Variants in FBN1 observed in about 807,000 individuals in gnomAD.
FBN1 encodes fibrillin-1.
In FBN1, 29 loss-of-function variants were observed where a neutral mutation model predicts 365.1. The ratio of observed to expected loss-of-function variants is 0.08; its 90% CI spans 0.06 to 0.11. The LOEUF is 0.11. FBN1 is among the 10% of genes least tolerant of loss of function. FBN1 has a pLI of 1.00. For synonymous variants in FBN1, 1,210 were observed against 1,270.5 expected, an observed-to-expected ratio of 0.95 and a Z score of 1.01; for missense variants, 2,476 against 3,703.2, an observed-to-expected ratio of 0.67 and a Z score of 8.60.
intron 8 of FBN1, among the ~76,000 whole-genome samples, chr15:48,530,688 T>A (rs2043963222): frequency 1.3e-5 from 2 of 152,156 alleles, no homozygotes; most frequent in African/African-American, 2.4e-5. Flanking sequence ...GCCCCGGGAA[T>A]TCTCCTTAGC....
rs2043633727 is a variant in FBN1 at position 48,499,047 on chromosome 15, A to G, written c.2114-9T>C. On this transcript the variant is annotated splice_polypyrimidine_tract_variant and intron_variant, in intron 17 of 65. Transcript: ENST00000316623. Reference sequence around the variant, plus strand: ...GAGTGCCTGATATTCCGCTGCAATAAATTAACAGATAGTAAATGATTCCCT... The same window carrying G: ...GAGTGCCTGATATTCCGCTGCAATAGATTAACAGATAGTAAATGATTCCCT... 6.2e-7 allele frequency: 1 copy of G among 1,613,942 alleles called. No homozygotes were observed. The highest frequency in any genetic ancestry group is 1.6e-4 in the Middle Eastern group (1 of 6,062).
chr15:48,446,833 GA>G lies in FBN1; in HGVS notation c.5672-12del. ...CACATTCATTTATGTCTAGTAGGAA[GA>G]AAGGCCATAAAGAAACATAATTATA... is the stretch of plus-strand genomic sequence containing the variant. On this transcript the variant is annotated splice_polypyrimidine_tract_variant and intron_variant, in intron 46 of 65. Transcript: ENST00000316623. The G allele has an allele frequency of 6.5e-7, 1 of 1,530,842 alleles. No individual in the cohort carries two copies. Among genetic ancestry groups the G allele is most frequent in the Non-Finnish European group, 9.1e-7 (1 of 1,104,406 alleles). 94.8% of individuals were successfully genotyped at this position (1,530,842 alleles called of 1,614,324 possible).
Position 48,589,983 on chromosome 15 carries a change from G to C in FBN1, c.538+6300C>G, listed in dbSNP as rs187837425. On this transcript the variant is annotated intron_variant, in intron 6 of 65. Transcript: ENST00000316623. ...TCATAGAGGCCTTCAGTGTAGTTTA[G>C]TAATGACAGTTTACTGCCTTTTGCT... 5.7e-3 allele frequency among the ~76,000 whole-genome samples: 871 copies of C among 152,288 alleles called. 8 individuals carry two copies. The highest frequency in any genetic ancestry group is 5.6e-3 in the Non-Finnish European group (382 of 68,026).
intron 53 of FBN1, among the ~76,000 whole-genome samples, chr15:48,435,237 A>G (rs1364123085): frequency 6.6e-6 from 1 of 152,044 alleles, no homozygotes; most frequent in Non-Finnish European, 1.5e-5. Flanking sequence ...CTGGACATAT[A>G]GCCCTTACAG....
chr15:48,609,403 TA>T (rs1310539645), intron 4 of FBN1, among the ~76,000 whole-genome samples: 5 of 152,326 alleles, frequency 3.3e-5, no homozygotes, highest in African/African-American at 9.6e-5. Flanking sequence ...GACAATAATT[TA>T]AATGGAAGTA....
Position 48,489,978 on chromosome 15 carries a change from C to T in FBN1, c.2955G>A (p.Gly985=). ...HRMDACCCSV[G]AAWGTEECEE... Reference sequence around the variant, plus strand: ...CGCATTCCTCAGTACCCCAGGCTGCCCCGACGGAGCAGCAGCAGGCGTCCA... The same window carrying T: ...CGCATTCCTCAGTACCCCAGGCTGCTCCGACGGAGCAGCAGCAGGCGTCCA... Residue 985 remains glycine, a synonymous_variant, in exon 25 of 66, where the codon GGG becomes GGA. Transcript: ENST00000316623. The T allele has an allele frequency of 6.2e-7, 1 of 1,614,110 alleles. No homozygotes were observed. Among genetic ancestry groups the T allele is most frequent in the African/African-American group, 1.3e-5 (1 of 75,016 alleles).
intron 57 of FBN1, 91 bp downstream of exon 57, chr15:48,428,255 C>T: frequency 6.7e-7 from 1 of 1,503,076 alleles, no homozygotes; most frequent in Non-Finnish European, 9.2e-7. Flanking sequence ...CAGATTTTGA[C>T]ATTTTCTTGT....
chr15:48,466,137 T>G (rs1484382230), intron 38 of FBN1, among the ~76,000 whole-genome samples: 1 of 152,202 alleles, frequency 6.6e-6, no homozygotes, highest in Non-Finnish European at 1.5e-5. Context: ...TACCTTACCT[T>G]CATCCCTTAT....
At chr15:48,536,189 T>C (rs2044012400) in intron 7 of FBN1, among the ~76,000 whole-genome samples, 1 of 152,228 alleles carries the variant, frequency 6.6e-6, no homozygotes, top group South Asian at 2.1e-4. Flanking sequence ...ATAACTGCCA[T>C]TGTGATTCAA....
At chr15:48,589,851 C>T (rs1002981988) in intron 6 of FBN1, among the ~76,000 whole-genome samples, 6 of 152,072 alleles carry the variant, frequency 3.9e-5, no homozygotes, top group African/African-American at 1.4e-4. Context: ...CTCCTGACCT[C>T]GTGATTCGCC....
intron 4 of FBN1, among the ~76,000 whole-genome samples, chr15:48,603,632 C>A (rs1285683195): frequency 3.3e-5 from 5 of 152,192 alleles, no homozygotes; most frequent in Admixed American, 3.3e-4. Context: ...AGTTCTACGT[C>A]TCTTAAAAAA....
Position 48,425,809 on chromosome 15 carries a change from A to G in FBN1, c.7260T>C (p.Asn2420=), listed in dbSNP as rs2042974773. Residue 2420 remains asparagine (N), a synonymous_variant, in exon 59 of 66, where the codon AAT becomes AAC. Transcript: ENST00000316623. ...HDVCRNGECV[N]DRGSYHCICK... ...AAATGCAATGATATGATCCTCTGTC[A>G]TTGACACATTCCCCATTTCGGCAAA... The G allele has an allele frequency of 6.2e-7, 1 of 1,612,630 alleles. No individual in the cohort carries two copies. The highest frequency in any genetic ancestry group is 8.5e-7 in the Non-Finnish European group (1 of 1,178,760).
intron 65 of FBN1, 78 bp from the exon 66 acceptor site, chr15:48,411,457 A>T: frequency 7.5e-7 from 1 of 1,339,332 alleles, no homozygotes; most frequent in Non-Finnish European, 1.1e-6. Context: ...AAAATGACTC[A>T]AATTTCACAC....
At chr15:48,625,126 T>C (rs755100605) in intron 2 of FBN1, among the ~76,000 whole-genome samples, 16 of 152,204 alleles carry the variant, frequency 1.1e-4, no homozygotes, top group African/African-American at 3.4e-4. Context: ...CAGCCCCCAA[T>C]TGACAAACAG....
At chr15:48,584,574 G>T (rs1412938738) in intron 6 of FBN1, among the ~76,000 whole-genome samples, 2 of 152,208 alleles carry the variant, frequency 1.3e-5, no homozygotes, top group Non-Finnish European at 2.9e-5. Flanking sequence ...TACACTCCCA[G>T]TTGGCTCCGT....
Position 48,423,250 on chromosome 15 carries a change from C to T in FBN1, c.7454-1182G>A, listed in dbSNP as rs564338582. On this transcript the variant is annotated intron_variant, in intron 60 of 65. Coordinates refer to ENST00000316623, the MANE Select transcript of FBN1 (RefSeq NM_000138.5). ...TCAACCACTATGCCCTCACCATCTGCACAACTGCTTTGGAGCTGCAGATCA... is the reference window on the plus strand; with the variant it reads ...TCAACCACTATGCCCTCACCATCTGTACAACTGCTTTGGAGCTGCAGATCA... Among the ~76,000 whole-genome samples the T allele has an allele frequency of 2.6e-5, 4 of 152,356 alleles. No individual in the cohort carries two copies. In the East Asian group the frequency reaches 5.8e-4, roughly 22 times the overall value.
At chr15:48,437,660 A>G in intron 51 of FBN1, 108 bp downstream of exon 51, 1 of 1,183,796 alleles carries the variant, frequency 8.4e-7, no homozygotes, top group Non-Finnish European at 1.2e-6. Flanking sequence ...AATTAGACTT[A>G]CAATTAAATT....
chr15:48,532,506 A>G (rs111345301), intron 8 of FBN1, among the ~76,000 whole-genome samples: 75 of 149,724 alleles, frequency 5.0e-4, no homozygotes, highest in East Asian at 1.2e-3. Flanking sequence ...ATATATGTGT[A>G]TGTGTGTGTG....
chr15:48,422,507 T>A (rs2042951675), intron 60 of FBN1, among the ~76,000 whole-genome samples: 2 of 152,258 alleles, frequency 1.3e-5, no homozygotes, highest in Admixed American at 1.3e-4. Context: ...CTTAGTTCTC[T>A]TCTGTTTGCT....
Sources: allele counts gnomAD v4.1 joint callset (sites outside exome capture counted in the v4.1 genomes callset), GRCh38; gene constraint gnomAD v4.1.1; transcripts MANE v1.5; gene names NCBI Gene and HGNC (gene_info 2026-07-23, HGNC 2026-07-21).